The following PRKCE variants were observed in gnomAD, a reference collection of about 807,000 sequenced individuals.
The protein encoded by PRKCE is protein kinase C epsilon, also known as protein kinase C epsilon type.
A neutral mutation model predicts 85.4 loss-of-function variants in PRKCE; 16 were observed. The observed-to-expected ratio is 0.19, with a 90% CI of 0.13 to 0.28. PRKCE has a LOEUF of 0.28. PRKCE is among the 10% of genes least tolerant of loss of function. The probability of loss-of-function intolerance (pLI) is 1.00; values close to 1 mark genes in which losing one functional copy is unlikely to be tolerated. For missense variants in PRKCE, 573 were observed against 975.2 expected (o/e 0.59, Z 5.49); for synonymous variants, 388 against 371.5 (o/e 1.04, Z -0.51).
intron 9 of PRKCE, 121 bp from the exon 10 acceptor site, chr2:46,010,223 T>C: frequency 8.7e-7 from 1 of 1,150,554 alleles, no homozygotes; most frequent in Non-Finnish European, 1.2e-6. Flanking sequence ...ACCAGGCTTG[T>C]TATAATATTT....
At chr2:46,051,732 T>A (rs1219125499) in intron 10 of PRKCE, among the ~76,000 whole-genome samples, 9 of 152,352 alleles carry the variant, frequency 5.9e-5, no homozygotes, top group African/African-American at 2.2e-4. Context: ...TGATGCTATA[T>A]TAGTCTGTTC....
chr2:46,037,138 C>A (rs980824369), intron 10 of PRKCE, among the ~76,000 whole-genome samples: 4 of 152,300 alleles, frequency 2.6e-5, no homozygotes, highest in Admixed American at 2.6e-4. Context: ...CTGCCAGGGC[C>A]CCCTCCCAGC....
At chr2:45,991,426 A>C (rs1472919420) in intron 6 of PRKCE, among the ~76,000 whole-genome samples, 1 of 152,212 alleles carries the variant, frequency 6.6e-6, no homozygotes, top group Non-Finnish European at 1.5e-5. Context: ...GCACACTGAC[A>C]TCCAATAAAT....
In PRKCE at chr2:45,895,110, A is replaced by ATT. The variant is rs1311861908; in HGVS notation, c.412+52049_412+52050dup. ...CAGAACTTAAGCATTAGTTGTGAGCATTTGGCCACGTGGTAGGGAGAATGA... is the reference window on the plus strand; with the variant it reads ...CAGAACTTAAGCATTAGTTGTGAGCATTTTTGGCCACGTGGTAGGGAGAATGA... On this transcript the variant is annotated intron_variant, in intron 2 of 14. Transcript: ENST00000306156. The surrounding 1 kb of genome is among the most constrained non-coding windows in gnomAD (Gnocchi z 4.8). 2.6e-5 allele frequency among the ~76,000 whole-genome samples: 4 copies of ATT among 152,264 alleles called. No individual in the cohort carries two copies. The highest frequency in any genetic ancestry group is 2.6e-4 in the Admixed American group (4 of 15,300).
intron 10 of PRKCE, among the ~76,000 whole-genome samples, chr2:46,084,971 C>T (rs1195128576): frequency 2.0e-5 from 3 of 152,146 alleles, no homozygotes; most frequent in Non-Finnish European, 4.4e-5. Flanking sequence ...ATCTTTTTAG[C>T]ACCTGGTGTC....
At chr2:46,065,507 T>TTTG (rs886106473) in intron 10 of PRKCE, among the ~76,000 whole-genome samples, 1 of 152,114 alleles carries the variant, frequency 6.6e-6, no homozygotes, top group Admixed American at 6.5e-5. Context: ...TGGTAAAAAA[T>TTTG]TTGTTGTTCT....
At chr2:45,714,738 G>A (rs150644800) in intron 1 of PRKCE, among the ~76,000 whole-genome samples, 1 of 152,312 alleles carries the variant, frequency 6.6e-6, no homozygotes, top group African/African-American at 2.4e-5. Context: ...CTCACTGGGT[G>A]TCTTCCCTGA....
intron 2 of PRKCE, among the ~76,000 whole-genome samples, chr2:45,962,266 C>T (rs1701434562): frequency 6.6e-6 from 1 of 152,180 alleles, no homozygotes; most frequent in Non-Finnish European, 1.5e-5. Flanking sequence ...CCCCAGGGCC[C>T]TAAAGAATGT....
intron 1 of PRKCE, among the ~76,000 whole-genome samples, chr2:45,743,611 C>G (rs576264507): frequency 1.0e-3 from 153 of 152,324 alleles, no homozygotes; most frequent in Middle Eastern, 3.4e-3. Flanking sequence ...GTTTATCTTT[C>G]AGATCCCGCC....
intron 1 of PRKCE, among the ~76,000 whole-genome samples, chr2:45,737,435 C>A (rs1389395123): frequency 6.6e-6 from 1 of 152,204 alleles, no homozygotes; most frequent in Non-Finnish European, 1.5e-5. Context: ...CACTACCTGT[C>A]CAGCCTTTGT....
intron 1 of PRKCE, among the ~76,000 whole-genome samples, chr2:45,773,465 C>G (rs1055185280): frequency 6.6e-6 from 1 of 152,152 alleles, no homozygotes; most frequent in Non-Finnish European, 1.5e-5. Flanking sequence ...CTTGTGCAGA[C>G]GAAGAAGCCA....
chr2:45,917,912 C>CG (rs56411538), intron 2 of PRKCE, among the ~76,000 whole-genome samples: 68,375 of 152,094 alleles, frequency 0.45, 15,576 homozygotes, highest in South Asian at 0.6. Context: ...GCCGCTGGCC[C>CG]GGTGCTAAGC....
At chr2:46,099,615 T>C (rs564063180) in intron 11 of PRKCE, among the ~76,000 whole-genome samples, 11 of 152,220 alleles carry the variant, frequency 7.2e-5, no homozygotes, top group African/African-American at 2.4e-4. Context: ...CCTGTTAACA[T>C]TGCATCTGCT....
intron 10 of PRKCE, among the ~76,000 whole-genome samples, chr2:46,085,919 A>C (rs1669595213): frequency 6.6e-6 from 1 of 152,228 alleles, no homozygotes; most frequent in Non-Finnish European, 1.5e-5. Flanking sequence ...AGATGACAAC[A>C]AAAATCAAAG....
At chr2:45,752,589 G>A (rs73926056) in intron 1 of PRKCE, among the ~76,000 whole-genome samples, 8,771 of 152,054 alleles carry the variant, frequency 0.058, 272 homozygotes, top group African/African-American at 0.071. Flanking sequence ...TCTGAGAGCC[G>A]GTCTCGGTGA....
intron 2 of PRKCE, among the ~76,000 whole-genome samples, chr2:45,888,028 T>A (rs1207481174): frequency 6.6e-6 from 1 of 152,250 alleles, no homozygotes; most frequent in Non-Finnish European, 1.5e-5. Flanking sequence ...TCCCATGATC[T>A]GTGATCATTA....
At chr2:45,912,260 G>A (rs908346642) in intron 2 of PRKCE, among the ~76,000 whole-genome samples, 3 of 152,148 alleles carry the variant, frequency 2.0e-5, no homozygotes, top group Non-Finnish European at 4.4e-5. Flanking sequence ...GTTGAGATAA[G>A]GGGTCAATGT....
intron 1 of PRKCE, among the ~76,000 whole-genome samples, chr2:45,711,020 G>C (rs1483444703): frequency 6.6e-6 from 1 of 152,134 alleles, no homozygotes; most frequent in Non-Finnish European, 1.5e-5. Flanking sequence ...CTTTTTTCAG[G>C]TTGCTGCCCC....
At chr2:45,903,881 G>GTTTTTTTTTTTTTTTTTTTT in intron 2 of PRKCE, among the ~76,000 whole-genome samples, 1 of 117,140 alleles carries the variant, frequency 8.5e-6, no homozygotes, top group Non-Finnish European at 1.8e-5. Context: ...TAGCCTGGCA[G>GTTTTTTTTTTTTTTTTTTTT]TTTTTTTTTG....
Sources: allele counts gnomAD v4.1 joint callset (sites outside exome capture counted in the v4.1 genomes callset), GRCh38; gene constraint gnomAD v4.1.1; non-coding constraint Gnocchi (gnomAD v3.1); transcripts MANE v1.5; gene names NCBI Gene and HGNC (gene_info 2026-07-23, HGNC 2026-07-21).